The following SNCAIP variants were observed in gnomAD, a reference collection of about 807,000 sequenced individuals.
The protein encoded by SNCAIP is synuclein alpha interacting protein, also known as synphilin-1.
SNCAIP carries 43 observed loss-of-function variants against 86.7 expected under a neutral mutation model. The ratio of observed to expected loss-of-function variants is 0.50; its 90% CI spans 0.39 to 0.64. The LOEUF (loss-of-function observed/expected upper bound fraction) is 0.64, where lower values mean the gene tolerates loss of function less well. Among genes scored for constraint, SNCAIP ranks in the 30% least tolerant of loss-of-function variants. The probability of loss-of-function intolerance (pLI) is 0.00; values close to 1 mark genes in which losing one functional copy is unlikely to be tolerated. For synonymous variants in SNCAIP, 417 were observed against 427.2 expected, an observed-to-expected ratio of 0.98 and a Z score of 0.29; for missense variants, 981 against 1,103.1, an observed-to-expected ratio of 0.89 and a Z score of 1.57.
At chr5:122,381,394 G>T (rs1431736538) in intron 1 of SNCAIP, among the ~76,000 whole-genome samples, 19 of 135,764 alleles carry the variant, frequency 1.4e-4, no homozygotes, top group East Asian at 4.3e-4. Context: ...CATTTGCTTG[G>T]TAGATCTTCC....
At position 122,421,676 on chromosome 5, in the gene SNCAIP, T is replaced by A. The variant is rs138035695; in HGVS notation, c.131-1192T>A. On this transcript the variant is annotated intron_variant, in intron 3 of 10. Transcript: ENST00000261368. ...GTAGGGCATGCCCCCTGAAATCTCA[T>A]CCTTTGATGGGGGATGATAGGAACT... 4.0e-3 allele frequency among the ~76,000 whole-genome samples: 608 copies of A among 152,272 alleles called. 4 individuals carry two copies. Among genetic ancestry groups the A allele is most frequent in the Non-Finnish European group, 6.9e-3 (468 of 68,014 alleles).
intron 1 of SNCAIP, among the ~76,000 whole-genome samples, chr5:122,314,222 C>T (rs1313928091): frequency 6.6e-6 from 1 of 152,188 alleles, no homozygotes; most frequent in East Asian, 1.9e-4. Context: ...TACTTTACTG[C>T]TCTTAAGGGA....
chr5:122,352,163 C>T (rs1759994836), intron 1 of SNCAIP, among the ~76,000 whole-genome samples: 1 of 152,150 alleles, frequency 6.6e-6, no homozygotes, highest in South Asian at 2.1e-4. Flanking sequence ...CCCAGACACT[C>T]CCGGAAAAAC....
In SNCAIP at chr5:122,363,788, C is replaced by CTATT. The variant is rs143825884; in HGVS notation, c.-46-27255_-46-27252dup. On this transcript the variant is annotated intron_variant, in intron 1 of 10. Coordinates refer to ENST00000261368, the MANE Select transcript of SNCAIP (RefSeq NM_005460.4). ...TGAAAAAATAAGCATTTATTGTCAA[C>CTATT]TATTTATTTATTTATTTATTTATTT... Among the ~76,000 whole-genome samples the CTATT allele has an allele frequency of 8.0e-3, 1,141 of 142,892 alleles. 12 individuals are homozygous for CTATT. The highest frequency in any genetic ancestry group is 0.018 in the African/African-American group (709 of 38,660). The allele number at this position is 142,892 out of a possible 152,430, so 93.7% of individuals were successfully genotyped here.
chr5:122,363,823 T>C, intron 1 of SNCAIP, among the ~76,000 whole-genome samples: 1 of 150,148 alleles, frequency 6.7e-6, no homozygotes. Context: ...TATTTATTTA[T>C]TTATTTATTT....
chr5:122,390,687 A>G (rs1769158005), intron 1 of SNCAIP, among the ~76,000 whole-genome samples: 1 of 152,190 alleles, frequency 6.6e-6, no homozygotes, highest in South Asian at 2.1e-4. Flanking sequence ...CCCACAGGAA[A>G]CATTTGAAAA....
upstream of SNCAIP, chr5:122,311,485 A>G (rs927363538): frequency 2.6e-5 from 4 of 152,120 alleles, no homozygotes; most frequent in African/African-American, 4.8e-5. Context: ...ACTCTGCCAA[A>G]AGGCTTCTCA....
At chr5:122,332,012 G>A (rs1755455068) in intron 1 of SNCAIP, among the ~76,000 whole-genome samples, 2 of 152,218 alleles carry the variant, frequency 1.3e-5, no homozygotes, top group South Asian at 4.1e-4. Flanking sequence ...AATAGGGAGT[G>A]CTGCCACGTG....
At chr5:122,358,195 G>A (rs1314902255) in intron 1 of SNCAIP, among the ~76,000 whole-genome samples, 15 of 100,550 alleles carry the variant, frequency 1.5e-4, no homozygotes, top group African/African-American at 4.9e-4. Context: ...GTGTGTGTGT[G>A]TGTGTGTGTA....
chr5:122,366,988 T>C (rs1455393800), intron 1 of SNCAIP, among the ~76,000 whole-genome samples: 1 of 152,086 alleles, frequency 6.6e-6, no homozygotes, highest in African/African-American at 2.4e-5. Flanking sequence ...GTAGGAAGGA[T>C]GGAAAACATA....
Position 122,453,011 on chromosome 5 carries a change from A to C in SNCAIP, c.2754+1410A>C, listed in dbSNP as rs111382351. On this transcript the variant is annotated intron_variant, in intron 10 of 10. Coordinates refer to ENST00000261368, the MANE Select transcript of SNCAIP (RefSeq NM_005460.4). The stretch of plus-strand genomic sequence containing the variant: ...ACGACACACGGTACGTGGTGCTAGG[A>C]GATATGCTGTGCGGCATTGACATGC... 1.5e-5 allele frequency: 23 copies of C among 1,508,016 alleles called. No individual in the cohort carries two copies. In the African/African-American group the frequency reaches 1.8e-4, roughly 12 times the overall value. 93.4% of individuals were successfully genotyped at this position (1,508,016 alleles called of 1,614,324 possible).
At chr5:122,444,522 A>C (rs1213493387) in intron 7 of SNCAIP, 41 bp from the exon 8 acceptor site, 1 of 1,572,946 alleles carries the variant, frequency 6.4e-7, no homozygotes, top group Non-Finnish European at 8.8e-7. Context: ...AATAATGTGT[A>C]CAGAGATGTC....
intron 3 of SNCAIP, among the ~76,000 whole-genome samples, chr5:122,411,387 G>A (rs1774083532): frequency 6.6e-6 from 1 of 152,168 alleles, no homozygotes; most frequent in South Asian, 2.1e-4. Flanking sequence ...AAAAGTATGA[G>A]TGTGTGTTGA....
chr5:122,440,611 CTG>C lies in SNCAIP; in HGVS notation c.1297-16_1297-15del. Reference sequence around the variant, plus strand: ...CTGCAAGATATTACATGAATTCCAACTGTCTTTGTGTTTATAGGAAAAGATTC... The same window carrying C: ...CTGCAAGATATTACATGAATTCCAACTCTTTGTGTTTATAGGAAAAGATTC... On this transcript the variant is annotated splice_polypyrimidine_tract_variant and intron_variant, in intron 6 of 10. Coordinates refer to ENST00000261368, the MANE Select transcript of SNCAIP (RefSeq NM_005460.4). 2 of 1,611,480 alleles carry C rather than the reference CTG, an allele frequency of 1.2e-6. No individual in the cohort carries two copies. Among genetic ancestry groups the C allele is most frequent in the Non-Finnish European group, 1.7e-6 (2 of 1,177,628 alleles).
At chr5:122,345,290 G>T (rs1758375902) in intron 1 of SNCAIP, among the ~76,000 whole-genome samples, 2 of 152,108 alleles carry the variant, frequency 1.3e-5, no homozygotes, top group South Asian at 4.1e-4. Context: ...CTCTTTCAAA[G>T]AACCTATTTC....
At chr5:122,358,356 T>C (rs1398043420) in intron 1 of SNCAIP, among the ~76,000 whole-genome samples, 6 of 81,144 alleles carry the variant, frequency 7.4e-5, no homozygotes, top group Admixed American at 5.6e-4. Flanking sequence ...CCCTCCCCCC[T>C]CCCCCCACCC....
At chr5:122,379,589 G>A (rs1290995535) in intron 1 of SNCAIP, among the ~76,000 whole-genome samples, 1 of 150,126 alleles carries the variant, frequency 6.7e-6, no homozygotes, top group African/African-American at 2.4e-5. Context: ...GAATAGGAGT[G>A]GTGAGAGAGG....
intron 1 of SNCAIP, among the ~76,000 whole-genome samples, chr5:122,352,851 A>G (rs1760157474): frequency 6.6e-6 from 1 of 152,172 alleles, no homozygotes; most frequent in Admixed American, 6.5e-5. Flanking sequence ...TCTCTACAAG[A>G]AACTTGAATA....
Position 122,382,497 on chromosome 5 carries a change from C to T in SNCAIP, c.-46-8592C>T, listed in dbSNP as rs1161243400. 6.6e-5 allele frequency among the ~76,000 whole-genome samples: 10 copies of T among 152,268 alleles called. No homozygotes were observed. The East Asian group carries it at 1.2e-3, about 18-fold the overall frequency. On this transcript the variant is annotated intron_variant, in intron 1 of 10. Transcript: ENST00000261368. ...TTTGCCTTTGGTTTGAATGTCCTCC[C>T]GTAGCTCAGAGTAATTTGATCGTCT...
Sources: gnomAD v4.1 joint callset for allele counts (sites outside exome capture counted in the v4.1 genomes callset) on GRCh38, gnomAD v4.1.1 for gene constraint, MANE v1.5 for transcripts, NCBI Gene and HGNC (gene_info 2026-07-23, HGNC 2026-07-21) for gene names.